NXPH1: variants seen among roughly 807,000 people sequenced by gnomAD.
NXPH1 encodes the protein neurexophilin 1.
A neutral mutation model predicts 23.7 loss-of-function variants in NXPH1; 5 were observed. The observed-to-expected ratio is 0.21, with a 90% confidence interval of 0.11 to 0.44. The LOEUF (loss-of-function observed/expected upper bound fraction) is 0.44. Ranked by LOEUF, NXPH1 falls within the 20% of genes least tolerant of loss-of-function variation. NXPH1 has a pLI of 0.99. For missense variants in NXPH1, 324 were observed against 321.6 expected, an observed-to-expected ratio of 1.01 and a Z score of -0.06; for synonymous variants, 144 against 122.2, an observed-to-expected ratio of 1.18 and a Z score of -1.18.
intron 2 of NXPH1, among the ~76,000 whole-genome samples, chr7:8,730,337 T>C (rs1436772526): frequency 6.7e-6 from 1 of 149,416 alleles, no homozygotes; most frequent in African/African-American, 2.5e-5. Flanking sequence ...TTAGTCCATT[T>C]ACATTTAAAG....
chr7:8,551,903 G>C (rs1818281806), intron 2 of NXPH1, among the ~76,000 whole-genome samples: 1 of 151,328 alleles, frequency 6.6e-6, no homozygotes, highest in East Asian at 2.0e-4. Flanking sequence ...CTTCCAATTT[G>C]TTCAAGTAGA....
intron 2 of NXPH1, among the ~76,000 whole-genome samples, chr7:8,454,929 A>G (rs958645037): frequency 1.3e-5 from 2 of 152,174 alleles, no homozygotes; most frequent in African/African-American, 4.8e-5. Context: ...GAGACAGAAA[A>G]TGGATGAAGA....
At chr7:8,579,742 A>G (rs145261281) in intron 2 of NXPH1, among the ~76,000 whole-genome samples, 122 of 152,336 alleles carry the variant, frequency 8.0e-4, no homozygotes, top group African/African-American at 2.7e-3. Context: ...TTTAAATCAC[A>G]TGATTGTTCC....
intron 2 of NXPH1, among the ~76,000 whole-genome samples, chr7:8,437,819 T>A (rs1229330947): frequency 1.3e-5 from 2 of 152,250 alleles, no homozygotes; most frequent in Non-Finnish European, 2.9e-5. Flanking sequence ...AGTTACAGAC[T>A]TCATTACCTG....
intron 2 of NXPH1, among the ~76,000 whole-genome samples, chr7:8,470,383 C>G (rs183743369): frequency 6.6e-6 from 1 of 152,094 alleles, no homozygotes; most frequent in Non-Finnish European, 1.5e-5. Context: ...TTCTTGAAGA[C>G]GCCTGAATTT....
At chr7:8,552,114 C>CAAAAAAAAAAA (rs34390317) in intron 2 of NXPH1, among the ~76,000 whole-genome samples, 10 of 61,748 alleles carry the variant, frequency 1.6e-4, no homozygotes, top group African/African-American at 4.2e-4. Context: ...GAAAAAAAAC[C>CAAAAAAAAAAA]AAAAAAAAAA....
intron 2 of NXPH1, among the ~76,000 whole-genome samples, chr7:8,510,198 A>T (rs935079329): frequency 2.6e-5 from 4 of 152,176 alleles, no homozygotes; most frequent in African/African-American, 4.8e-5. Flanking sequence ...GAGGCCAGAG[A>T]GATAAACTTG....
At chr7:8,467,200 T>C (rs897149295) in intron 2 of NXPH1, among the ~76,000 whole-genome samples, 3 of 152,184 alleles carry the variant, frequency 2.0e-5, no homozygotes, top group African/African-American at 7.2e-5. Flanking sequence ...ATTTTTCTGA[T>C]AATGATACTT....
At chr7:8,481,503 TAGTG>T (rs1817072422) in intron 2 of NXPH1, among the ~76,000 whole-genome samples, 1 of 152,128 alleles carries the variant, frequency 6.6e-6, no homozygotes, top group Admixed American at 6.5e-5. Context: ...AGAAGTGAAA[TAGTG>T]AGCCTGTTTT....
At chr7:8,513,761 T>C (rs1434767168) in intron 2 of NXPH1, among the ~76,000 whole-genome samples, 2 of 152,140 alleles carry the variant, frequency 1.3e-5, no homozygotes, top group Non-Finnish European at 2.9e-5. Flanking sequence ...GAACCACCTA[T>C]GTCCTATGGT....
At chr7:8,748,489 A>G (rs1010050326) in intron 2 of NXPH1, among the ~76,000 whole-genome samples, 1 of 152,218 alleles carries the variant, frequency 6.6e-6, no homozygotes, top group African/African-American at 2.4e-5. Flanking sequence ...ACACTTTAAA[A>G]GGACTGACTG....
intron 2 of NXPH1, among the ~76,000 whole-genome samples, chr7:8,660,020 T>C (rs554057613): frequency 9.2e-5 from 14 of 152,216 alleles, no homozygotes; most frequent in Non-Finnish European, 1.6e-4. Flanking sequence ...AGGAGCAGAA[T>C]CCTGCTTGAG....
chr7:8,697,157 CAA>C (rs139349283), intron 2 of NXPH1, among the ~76,000 whole-genome samples: 17,599 of 104,826 alleles, frequency 0.17, 1,255 homozygotes, highest in African/African-American at 0.28. Flanking sequence ...GATTCTGTTT[CAA>C]AAAAAAAAAA....
chr7:8,508,280 A>G (rs1211599818), intron 2 of NXPH1, among the ~76,000 whole-genome samples: 1 of 152,152 alleles, frequency 6.6e-6, no homozygotes, highest in African/African-American at 2.4e-5. Flanking sequence ...TTCTGCTAAC[A>G]AACTTTGATT....
Position 8,620,445 on chromosome 7 carries a change from C to T in NXPH1, c.55-130563C>T, listed in dbSNP as rs544971576. Among the ~76,000 whole-genome samples the T allele has an allele frequency of 2.6e-5, 4 of 152,250 alleles. No homozygotes were observed. The South Asian group carries it at 8.3e-4, about 32-fold the overall frequency. Reference sequence around the variant, plus strand: ...CCTCTTCTTGTCATGGTGATTAGTTCAAGGGGAATTATGGAATTCACCCAG... The same window carrying T: ...CCTCTTCTTGTCATGGTGATTAGTTTAAGGGGAATTATGGAATTCACCCAG... On this transcript the variant is annotated intron_variant, in intron 2 of 2. Coordinates refer to ENST00000405863, the MANE Select transcript of NXPH1 (RefSeq NM_152745.3).
At chr7:8,598,871 G>T (rs922277236) in intron 2 of NXPH1, among the ~76,000 whole-genome samples, 2 of 152,112 alleles carry the variant, frequency 1.3e-5, no homozygotes, top group African/African-American at 4.8e-5. Context: ...TCTGATCATT[G>T]TATGCCTGCT....
intron 2 of NXPH1, among the ~76,000 whole-genome samples, chr7:8,687,717 A>C (rs1821168939): frequency 6.6e-6 from 1 of 152,162 alleles, no homozygotes; most frequent in Non-Finnish European, 1.5e-5. Flanking sequence ...ACGGAGCAAT[A>C]TGATGATATC....
chr7:8,621,083 A>G (rs1214818806), intron 2 of NXPH1, among the ~76,000 whole-genome samples: 2 of 152,194 alleles, frequency 1.3e-5, no homozygotes, highest in Non-Finnish European at 2.9e-5. Context: ...TTTATAATTT[A>G]GTTGGTAGAA....
At chr7:8,469,421 G>T (rs1816833896) in intron 2 of NXPH1, among the ~76,000 whole-genome samples, 1 of 152,074 alleles carries the variant, frequency 6.6e-6, no homozygotes, top group African/African-American at 2.4e-5. Context: ...CAGCTCAGCA[G>T]CTCTCAGTTT....
Sources: allele counts gnomAD v4.1 joint callset (sites outside exome capture counted in the v4.1 genomes callset), GRCh38; gene constraint gnomAD v4.1.1; transcripts MANE v1.5; gene names NCBI Gene and HGNC (gene_info 2026-07-23, HGNC 2026-07-21).